Variants in PCLO observed in about 807,000 individuals in gnomAD.
PCLO encodes the protein protein piccolo.
PCLO carries 82 observed loss-of-function variants against 427.5 expected under a neutral mutation model. The ratio of observed to expected loss-of-function variants is 0.19; its 90% CI spans 0.16 to 0.23. PCLO has a LOEUF of 0.23. PCLO is among the 10% of genes least tolerant of loss of function. The pLI is 1.00. For missense variants in PCLO, 6,239 were observed against 6,115.9 expected (o/e 1.02, Z -0.67); for synonymous variants, 2,357 against 2,155.4 (o/e 1.09, Z -2.59).
chr7:82,949,102 T>C (rs1240076800), intron 6 of PCLO, among the ~76,000 whole-genome samples: 2 of 152,222 alleles, frequency 1.3e-5, no homozygotes, highest in African/African-American at 4.8e-5. Flanking sequence ...TGAATATTAA[T>C]TATGTTTACT....
chr7:83,130,323 G>A (rs1436689701), intron 3 of PCLO, among the ~76,000 whole-genome samples: 3 of 152,032 alleles, frequency 2.0e-5, no homozygotes, highest in Non-Finnish European at 4.4e-5. Context: ...AGGACTACAG[G>A]CATGAACCAC....
intron 10 of PCLO, among the ~76,000 whole-genome samples, chr7:82,848,466 A>T (rs2115828197): frequency 6.6e-6 from 1 of 151,734 alleles, no homozygotes; most frequent in East Asian, 1.9e-4. Flanking sequence ...GTGCGCCACC[A>T]CGCCTGGCTA....
chr7:83,100,694 A>T (rs539053518), intron 3 of PCLO, among the ~76,000 whole-genome samples: 1 of 152,280 alleles, frequency 6.6e-6, no homozygotes, highest in South Asian at 2.1e-4. Context: ...CAGAAACAAT[A>T]ACTAATGGGT....
intron 3 of PCLO, among the ~76,000 whole-genome samples, chr7:83,076,991 G>GTACAA (rs1789970752): frequency 6.6e-6 from 1 of 150,648 alleles, no homozygotes; most frequent in African/African-American, 2.4e-5. Context: ...ACAATTAAAA[G>GTACAA]TATAATAATT....
At chr7:82,929,996 A>T (rs1186887688) in intron 6 of PCLO, among the ~76,000 whole-genome samples, 1 of 152,220 alleles carries the variant, frequency 6.6e-6, no homozygotes. Flanking sequence ...TTCAGAGCTT[A>T]GAAAAAGTAA....
intron 20 of PCLO, chr7:82,820,584 T>C (rs1330266360): frequency 1.3e-5 from 16 of 1,228,118 alleles, no homozygotes; most frequent in Non-Finnish European, 1.5e-5. Flanking sequence ...GTGGAAAATG[T>C]CTGTTTGTAG....
rs1425197622 is a variant in PCLO at position 83,162,540 on chromosome 7, G to A, written c.53C>T (p.Ala18Val). 1.3e-6 allele frequency: 2 copies of A among 1,553,530 alleles called. No individual in the cohort carries two copies. Among genetic ancestry groups the A allele is most frequent in the South Asian group, 1.2e-5 (1 of 84,386 alleles). The change falls in exon 1 of 25, where the codon GCG becomes GTG. Residue 18 changes from alanine to valine, a missense_variant. Ala to Val is a moderately conservative substitution (Grantham distance 64, BLOSUM62 0). Around this residue, in one of 5 missense-constraint regions of PCLO, gnomAD observed 4,677 missense variants for 4,468.4 expected, o/e 1.05. Transcript: ENST00000333891. ...AGCTCCTCCTCCAGCCGCTGCGGCC[G>A]CCGCCAGCCCTTCGGGGAGCCCTTC... is the stretch of plus-strand genomic sequence containing the variant. ...EGEGLPEGLA[A>V]AAAAGGGASG...
chr7:82,975,014 T>G (rs1394979423), intron 3 of PCLO, among the ~76,000 whole-genome samples: 1 of 152,132 alleles, frequency 6.6e-6, no homozygotes, highest in Non-Finnish European at 1.5e-5. Flanking sequence ...CCTGACCTGG[T>G]GATCCACCCA....
At chr7:82,881,937 C>A (rs1410374816) in intron 9 of PCLO, among the ~76,000 whole-genome samples, 1 of 152,068 alleles carries the variant, frequency 6.6e-6, no homozygotes, top group Admixed American at 6.6e-5. Context: ...AGCCACTGTG[C>A]CCAGCTGCTA....
intron 3 of PCLO, among the ~76,000 whole-genome samples, chr7:83,038,051 CTTTATATATATATTTATATA>C (rs1788863977): frequency 7.1e-5 from 1 of 14,122 alleles, no homozygotes; most frequent in Non-Finnish European, 1.1e-4. Flanking sequence ...ATATATATAT[CTTTATATATATATTTATATA>C]TTTATATATA....
chr7:82,941,449 T>C (rs1795084064), intron 6 of PCLO, among the ~76,000 whole-genome samples: 1 of 152,184 alleles, frequency 6.6e-6, no homozygotes, highest in Non-Finnish European at 1.5e-5. Context: ...ACTGGGGTCT[T>C]ATTTAGTGCA....
intron 9 of PCLO, among the ~76,000 whole-genome samples, chr7:82,897,383 A>T (rs1017154296): frequency 1.7e-4 from 26 of 151,600 alleles, no homozygotes; most frequent in Non-Finnish European, 3.1e-4. Flanking sequence ...ATATATTTTT[A>T]AAAAATTATG....
At position 83,154,759 on chromosome 7, in the gene PCLO, G is replaced by T; in HGVS notation, c.1882C>A (p.His628Asn). 1 of 1,612,898 alleles carries T rather than the reference G, an allele frequency of 6.2e-7. No homozygotes were observed. ...ATAAATGCACTTACCTCCGTTAAAT[G>T]AGGATTGGGATTAAAACCACAGAGA... The part of the protein sequence containing the change: ...CSLCGFNPNP[H>N]LTEVKEWLCL... The change falls in exon 2 of 25, where the codon CAT becomes AAT. Residue 628 changes from histidine to asparagine, a missense_variant. Coordinates refer to ENST00000333891, the MANE Select transcript of PCLO (RefSeq NM_033026.6).
intron 9 of PCLO, among the ~76,000 whole-genome samples, chr7:82,899,155 C>A (rs933426196): frequency 6.6e-6 from 1 of 151,206 alleles, no homozygotes; most frequent in Admixed American, 6.6e-5. Flanking sequence ...TAAACACATA[C>A]CATTTTATCA....
intron 3 of PCLO, among the ~76,000 whole-genome samples, chr7:83,016,305 T>C (rs1264939888): frequency 6.6e-6 from 1 of 152,078 alleles, no homozygotes; most frequent in Non-Finnish European, 1.5e-5. Flanking sequence ...GAAATCAGAA[T>C]CAATGTTGAA....
At chr7:82,960,295 A>AT (rs1795627647) in intron 4 of PCLO, among the ~76,000 whole-genome samples, 1 of 152,186 alleles carries the variant, frequency 6.6e-6, no homozygotes, top group Admixed American at 6.5e-5. Context: ...AGCCAATAAA[A>AT]TTCACTGGAC....
intron 6 of PCLO, among the ~76,000 whole-genome samples, chr7:82,928,413 T>C (rs1677202299): frequency 6.6e-6 from 1 of 152,210 alleles, no homozygotes; most frequent in African/African-American, 2.4e-5. Flanking sequence ...TTCAAGTTTA[T>C]AAAGTACTAG....
chr7:82,771,882 C>G (rs751872142), intron 22 of PCLO, among the ~76,000 whole-genome samples: 1 of 152,008 alleles, frequency 6.6e-6, no homozygotes, highest in Non-Finnish European at 1.5e-5. Flanking sequence ...GAGTTACAAT[C>G]AAGATAGGGA....
chr7:82,916,737 C>T lies in PCLO; in HGVS notation c.11249G>A (p.Arg3750Lys). The T allele has an allele frequency of 1.9e-6, 3 of 1,613,686 alleles. No individual in the cohort carries two copies. Among genetic ancestry groups the T allele is most frequent in the Non-Finnish European group, 2.5e-6 (3 of 1,179,734 alleles). Residue 3750 changes from arginine (R) to lysine (K), a missense_variant, in exon 7 of 25, where the codon AGG (arginine) becomes AAG (lysine). This residue lies in a region of PCLO where 4,677 missense variants were observed against 4,468.4 expected (regional missense o/e 1.05). Transcript: ENST00000333891. ...FSTMGTVSRR[R>K]ICRTNTMARA... ...TGCCATTGTGTTGGTTCTGCAGATC[C>T]TTCTCCTGGAAACTGTGCCCATTGT...
Sources: gnomAD v4.1 joint callset for allele counts (sites outside exome capture counted in the v4.1 genomes callset) on GRCh38, gnomAD v4.1.1 for gene constraint, gnomAD v4.1.1 regional missense constraint, MANE v1.5 for transcripts, NCBI Gene and HGNC (gene_info 2026-07-23, HGNC 2026-07-21) for gene names.